SYCP2: variants seen among roughly 807,000 people sequenced by gnomAD.
SYCP2 encodes synaptonemal complex lateral element protein.
A neutral mutation model predicts 211.3 loss-of-function variants in SYCP2; 55 were observed. That is an observed-to-expected ratio of 0.26 (90% CI 0.21 to 0.33). The LOEUF (loss-of-function observed/expected upper bound fraction) is 0.33, where lower values mean the gene tolerates loss of function less well. Ranked by LOEUF, SYCP2 falls within the 10% of genes least tolerant of loss-of-function variation. The probability of loss-of-function intolerance (pLI) is 1.00; values close to 1 mark genes in which losing one functional copy is unlikely to be tolerated. For synonymous variants in SYCP2, 570 were observed against 555.2 expected (o/e 1.03, Z -0.37); for missense variants, 1,731 against 1,752.0 (o/e 0.99, Z 0.21).
chr20:59,888,876 A>G (rs1415908766), intron 24 of SYCP2, among the ~76,000 whole-genome samples: 1 of 152,074 alleles, frequency 6.6e-6, no homozygotes, highest in East Asian at 1.9e-4. Flanking sequence ...AAAACACAAT[A>G]TAATTTACAT....
chr20:59,887,777 C>A (rs1432551202), intron 24 of SYCP2, among the ~76,000 whole-genome samples: 1 of 151,406 alleles, frequency 6.6e-6, no homozygotes, highest in Non-Finnish European at 1.5e-5. Flanking sequence ...AATTGATAAA[C>A]CTTTAGTCAG....
rs1376037853 is a variant in SYCP2 at position 59,914,009 on chromosome 20, T to G, written c.796A>C (p.Asn266His). Residue 266 changes from asparagine to histidine, a missense_variant, in exon 12 of 45, where the codon AAC becomes CAC. Asn to His is a moderately conservative substitution (Grantham distance 68). This residue lies in a region of SYCP2 where 335 missense variants were observed against 378.8 expected (regional missense o/e 0.88). Coordinates refer to ENST00000357552, the MANE Select transcript of SYCP2 (RefSeq NM_014258.4). ...TCTCCAAGCATGCCATTTACAAGGT[T>G]GAGAAATATCCTGCAATCCTAATTT... The part of the protein sequence containing the change: ...EFETDCRIFL[N>H]LVNGMLGDKR... 1.9e-6 allele frequency: 3 copies of G among 1,599,834 alleles called. No individual in the cohort carries two copies. The highest frequency in any genetic ancestry group is 1.3e-5 in the African/African-American group (1 of 74,368).
Position 59,878,170 on chromosome 20 carries a change from G to T in SYCP2, c.2942-125C>A, listed in dbSNP as rs1600832113. On this transcript the variant is annotated intron_variant, in intron 31 of 44. Transcript: ENST00000357552. ...AAAGTAGTAAGTTTTTAAAGCATGT[G>T]TTAGCATTTAATAAGTGAACCTCCA... 14 of 691,128 alleles carry T rather than the reference G, an allele frequency of 2.0e-5. No individual in the cohort carries two copies. The South Asian group carries it at 3.1e-4, about 16-fold the overall frequency. 42.8% of individuals were successfully genotyped at this position (691,128 alleles called of 1,614,324 possible).
chr20:59,926,227 G>A (rs763247312), intron 2 of SYCP2, among the ~76,000 whole-genome samples: 1 of 152,172 alleles, frequency 6.6e-6, no homozygotes, highest in South Asian at 2.1e-4. Flanking sequence ...GACTCTCACT[G>A]TATTAATTTC....
chr20:59,875,217 A>C, intron 34 of SYCP2, 54 bp downstream of exon 34: 1 of 1,125,496 alleles, frequency 8.9e-7, no homozygotes, highest in Non-Finnish European at 1.3e-6. Flanking sequence ...CCATAATTAG[A>C]GTTATAGAAA....
intron 35 of SYCP2, among the ~76,000 whole-genome samples, chr20:59,872,623 G>C (rs911367303): frequency 6.6e-6 from 1 of 150,884 alleles, no homozygotes; most frequent in Non-Finnish European, 1.5e-5. Context: ...TCCATTTCAG[G>C]CATCTATTGG....
At position 59,914,308 on chromosome 20, in the gene SYCP2, G is replaced by T. The variant is rs574871930; in HGVS notation, c.635-57C>A. ...AATTATGAAAATTAAGTTTATAAAA[G>T]ACCATATATTTTACAAGGTATTAGA... On this transcript the variant is annotated intron_variant, in intron 10 of 44. Transcript: ENST00000357552. 9.5e-6 allele frequency: 10 copies of T among 1,049,102 alleles called. 1 individual carries two copies. The South Asian group carries it at 1.6e-4, about 17-fold the overall frequency. The allele number at this position is 1,049,102 out of a possible 1,614,324, so 65.0% of individuals were successfully genotyped here.
intron 18 of SYCP2, among the ~76,000 whole-genome samples, chr20:59,899,463 T>C (rs1311636390): frequency 2.6e-5 from 4 of 152,304 alleles, no homozygotes; most frequent in Admixed American, 2.0e-4. Context: ...GCTCACATTA[T>C]GAACATGAAG....
chr20:59,873,709 G>T (rs898842544), intron 35 of SYCP2, 147 bp downstream of exon 35: 1 of 596,564 alleles, frequency 1.7e-6, no homozygotes, highest in African/African-American at 1.9e-5. Flanking sequence ...TCTCTCTCTT[G>T]TCATTATGTC....
intron 28 of SYCP2, 127 bp from the exon 29 acceptor site, chr20:59,881,619 C>T (rs989701451): frequency 3.9e-6 from 2 of 518,790 alleles, no homozygotes; most frequent in South Asian, 3.6e-5. Context: ...AACTTTACTA[C>T]AATATTTGTA....
At chr20:59,901,935 TTTAAA>T (rs1336348737) in intron 15 of SYCP2, 125 bp from the exon 16 acceptor site, 7 of 715,640 alleles carry the variant, frequency 9.8e-6, no homozygotes, top group Admixed American at 7.3e-5. Context: ...TTGAACAGTG[TTTAAA>T]TTAATCAATT....
chr20:59,881,537 TAAA>T (rs561342445), intron 28 of SYCP2, 45 bp from the exon 29 acceptor site: 1 of 927,164 alleles, frequency 1.1e-6, no homozygotes, highest in Non-Finnish European at 1.6e-6. Context: ...AGTGTCAAAA[TAAA>T]AAAGATTAAA....
At chr20:59,883,861 C>T (rs6027168) in intron 26 of SYCP2, among the ~76,000 whole-genome samples, 2,726 of 151,942 alleles carry the variant, frequency 0.018, 86 homozygotes, top group African/African-American at 0.063. Flanking sequence ...GTTTGTTGCA[C>T]CAACCTATTA....
rs770527559 is a variant in SYCP2, at chr20:59,865,621, T to G, written c.4410A>C (p.Lys1470Asn). Residue 1470 changes from lysine (K) to asparagine (N), a missense_variant, in exon 43 of 45, where the codon AAA (lysine) becomes AAC (asparagine). Transcript: ENST00000357552. ...CACTATCAGTATTACAGAAGACACT[T>G]TTAGCCAATGAAGTTTTCAAAAGAT... ...RLHLLKTSLA[K>N]SVFCNTDSEE... is the part of the protein sequence containing the mutation. 6.2e-7 allele frequency: 1 copy of G among 1,602,090 alleles called. No homozygotes were observed. The highest frequency in any genetic ancestry group is 1.1e-5 in the South Asian group (1 of 88,480).
chr20:59,880,081 A>T (rs1432200690), intron 31 of SYCP2, among the ~76,000 whole-genome samples: 1 of 151,242 alleles, frequency 6.6e-6, no homozygotes, highest in East Asian at 1.9e-4. Flanking sequence ...TGAGCCAAGG[A>T]TAATGATAAG....
rs772131370 is a variant in SYCP2 at position 59,895,576 on chromosome 20, C to A, written c.1526G>T (p.Arg509Ile). Residue 509 changes from arginine to isoleucine, a missense_variant, in exon 20 of 45, where the codon AGA (arginine) becomes ATA (isoleucine). Physicochemically the swap from Arg to Ile is moderately conservative, Grantham distance 97 (BLOSUM62 -3). Transcript: ENST00000357552. Reference protein sequence around the residue: ...SNTSIPPRRRRIKPPLQMTSS... With the variant: ...SNTSIPPRRRIIKPPLQMTSS... ...CGTCATTTGCAGTGGTGGTTTAATT[C>A]TTCTTCTTCGTGGTGGTATTGCTAA... 5 of 1,612,436 alleles carry A rather than the reference C, an allele frequency of 3.1e-6. No homozygotes were observed. The highest frequency in any genetic ancestry group is 2.7e-5 in the African/African-American group (2 of 74,802).
chr20:59,877,596 G>A lies in SYCP2; in HGVS notation c.2980-41C>T, dbSNP rs112762550. 342 of 1,520,386 alleles carry A rather than the reference G, an allele frequency of 2.2e-4. 3 individuals are homozygous for A. The African/African-American group carries it at 4.3e-3, about 19-fold the overall frequency. The allele number at this position is 1,520,386 out of a possible 1,614,324, so 94.2% of individuals were successfully genotyped here. A position where few individuals can be genotyped will look rare whatever the true frequency, so the allele number is the denominator to read the frequency against. ...TCCTGAATATTAGATCAATATTTGA[G>A]GTACAAGAAATACAAGCAATTTGCT... On this transcript the variant is annotated intron_variant, in intron 32 of 44. Coordinates refer to ENST00000357552, the MANE Select transcript of SYCP2 (RefSeq NM_014258.4).
At chr20:59,904,145 A>C (rs879725675) in intron 15 of SYCP2, among the ~76,000 whole-genome samples, 1 of 152,190 alleles carries the variant, frequency 6.6e-6, no homozygotes, top group Non-Finnish European at 1.5e-5. Flanking sequence ...TTTTCCCTTC[A>C]TTCTGGGGCA....
At chr20:59,879,932 A>T (rs1301458949) in intron 31 of SYCP2, among the ~76,000 whole-genome samples, 1 of 149,086 alleles carries the variant, frequency 6.7e-6, no homozygotes, top group Non-Finnish European at 1.5e-5. Context: ...AAATACATGT[A>T]AATATATATA....
Sources: allele counts gnomAD v4.1 joint callset (sites outside exome capture counted in the v4.1 genomes callset), GRCh38; gene constraint gnomAD v4.1.1; regional missense constraint gnomAD v4.1.1; transcripts MANE v1.5; gene names NCBI Gene and HGNC (gene_info 2026-07-23, HGNC 2026-07-21).